The following WDR62 variants were observed in gnomAD, a reference collection of about 807,000 sequenced individuals.
WDR62 encodes WD repeat-containing protein 62.
A neutral mutation model predicts 160.6 loss-of-function variants in WDR62; 112 were observed. That is an observed-to-expected ratio of 0.70 (90% confidence interval 0.60 to 0.82). The LOEUF (loss-of-function observed/expected upper bound fraction) is 0.82. Among genes scored for constraint, WDR62 ranks in the 40% least tolerant of loss-of-function variants. WDR62 has a pLI of 0.00. For missense variants in WDR62, 1,819 were observed against 1,983.8 expected, an observed-to-expected ratio of 0.92 and a Z score of 1.58; for synonymous variants, 792 against 815.1, an observed-to-expected ratio of 0.97 and a Z score of 0.48.
At chr19:36,098,561 C>G (rs1973117734) in intron 21 of WDR62, among the ~76,000 whole-genome samples, 1 of 132,300 alleles carries the variant, frequency 7.6e-6, no homozygotes, top group African/African-American at 3.0e-5. Context: ...GAGACTCCCT[C>G]TCAAAAAAAA....
intron 3 of WDR62, among the ~76,000 whole-genome samples, chr19:36,065,743 C>T (rs535719877): frequency 3.3e-5 from 5 of 152,312 alleles, no homozygotes; most frequent in Admixed American, 1.3e-4. Context: ...TGTCTCAGGG[C>T]GGAAGGGGCC....
At chr19:36,065,105 G>A (rs1488405498) in intron 3 of WDR62, among the ~76,000 whole-genome samples, 3 of 152,204 alleles carry the variant, frequency 2.0e-5, no homozygotes, top group African/African-American at 7.2e-5. Flanking sequence ...TACCTGCATA[G>A]TTGCAAGCAT....
rs561445036 is a variant in WDR62, at chr19:36,104,970, T to C, written c.4514T>C (p.Leu1505Pro). Residue 1505 changes from leucine to proline, a missense_variant, in exon 32 of 32, where the codon CTG becomes CCG. Physicochemically the swap from Leu to Pro is moderately conservative, Grantham distance 98. This residue lies in a region of WDR62 where 770 missense variants were observed against 734.2 expected (regional missense o/e 1.05). Coordinates refer to ENST00000401500, the MANE Select transcript of WDR62 (RefSeq NM_001083961.2). ...GCCAGCCCAGACCTGCAGGCCCTGC[T>C]GGAACACTACTCGGAGCTGCTGGTG... ...PLASPDLQAL[L>P]EHYSELLVQA... The C allele has an allele frequency of 1.2e-6, 2 of 1,605,694 alleles. No individual in the cohort carries two copies. The highest frequency in any genetic ancestry group is 2.2e-5 in the South Asian group (2 of 90,304).
intron 9 of WDR62, 78 bp downstream of exon 9, chr19:36,073,609 TC>T: frequency 8.3e-7 from 1 of 1,201,688 alleles, no homozygotes; most frequent in Admixed American, 2.0e-5. Flanking sequence ...ATTCAGTAAT[TC>T]CTTCAGAAGA....
chr19:36,082,837 A>G (rs910702579), intron 10 of WDR62, among the ~76,000 whole-genome samples: 1 of 152,216 alleles, frequency 6.6e-6, no homozygotes, highest in Non-Finnish European at 1.5e-5. Context: ...TGGAGAAAAG[A>G]CAGCAGAAGA....
At chr19:36,096,932 G>C (rs1973002393) in intron 20 of WDR62, 95 bp from the exon 21 acceptor site, 2 of 1,130,892 alleles carry the variant, frequency 1.8e-6, no homozygotes, top group South Asian at 1.3e-5. Flanking sequence ...TGACTTCTGG[G>C]TTGTGGTGTT....
the WDR62 span, chr19:36,111,089 G>A: frequency 2.0e-6 from 2 of 996,262 alleles, no homozygotes; most frequent in Non-Finnish European, 2.9e-6. Context: ...TGCATGAAGA[G>A]AATGAGGTTC....
intron 20 of WDR62, among the ~76,000 whole-genome samples, chr19:36,094,731 A>C (rs910650666): frequency 2.0e-5 from 3 of 152,006 alleles, no homozygotes; most frequent in Admixed American, 2.0e-4. Flanking sequence ...CTATGCAAAA[A>C]AAAAATTTTT....
At position 36,085,414 on chromosome 19, in the gene WDR62, C is replaced by CTTTTTT. The variant is rs35753706; in HGVS notation, c.1642+688_1642+693dup. 1.2e-3 allele frequency among the ~76,000 whole-genome samples: 81 copies of CTTTTTT among 70,374 alleles called. 11 individuals are homozygous for CTTTTTT. The East Asian group carries it at 0.028, about 24-fold the overall frequency. The allele number at this position is 70,374 out of a possible 152,430, so 46.2% of individuals were successfully genotyped here. On this transcript the variant is annotated intron_variant, in intron 12 of 31. Transcript: ENST00000401500. ...TAGGGCATGAGCCACCACACCTGAC[C>CTTTTTT]TTTTTTTTTTTTTTTTTTTTTTTGA... is the stretch of plus-strand genomic sequence containing the variant.
chr19:36,090,624 G>A (rs1168858300), intron 16 of WDR62, 104 bp downstream of exon 16: 10 of 1,054,848 alleles, frequency 9.5e-6, no homozygotes, highest in East Asian at 2.4e-5. Flanking sequence ...AGTGCACCGC[G>A]CTGCCCAGCA....
At chr19:36,111,126 C>T in the WDR62 span, 6 of 1,281,576 alleles carry the variant, frequency 4.7e-6, no homozygotes, top group Non-Finnish European at 6.3e-6. Context: ...CCTTTCCCAC[C>T]AGGGATAGTC....
In WDR62 at chr19:36,091,673, G is replaced by A. The variant is rs111660404; in HGVS notation, c.2210+208G>A. 2.1e-3 allele frequency among the ~76,000 whole-genome samples: 313 copies of A among 152,228 alleles called. 1 individual carries two copies. The highest frequency in any genetic ancestry group is 7.3e-3 in the African/African-American group (303 of 41,534). On this transcript the variant is annotated intron_variant, in intron 18 of 31. Transcript: ENST00000401500. ...GCACTTTGGGACGCTGAGGCGGGTG[G>A]ATCACTTGAGCTCAGGAGTTCGAGA...
intron 1 of WDR62, among the ~76,000 whole-genome samples, chr19:36,058,058 A>G (rs1599741939): frequency 1.3e-5 from 2 of 152,146 alleles, no homozygotes; most frequent in Admixed American, 1.3e-4. Flanking sequence ...TATACATATA[A>G]AAGTACTAAG....
At position 36,101,264 on chromosome 19, in the gene WDR62, ACTC is replaced by A. The variant is rs1347562493; in HGVS notation, c.2921_2923del (p.Ser974del). On this transcript the variant is annotated inframe_deletion, in exon 24 of 32. Coordinates refer to ENST00000401500, the MANE Select transcript of WDR62 (RefSeq NM_001083961.2). The stretch of plus-strand genomic sequence containing the variant: ...GCCGGGCCTGGAGACCAGCAGGGCG[ACTC>A]CTACCTCAGGGTGTCCTCCGACAGC... The A allele has an allele frequency of 6.2e-7, 1 of 1,612,396 alleles. No individual in the cohort carries two copies. Among genetic ancestry groups the A allele is most frequent in the East Asian group, 2.2e-5 (1 of 44,822 alleles).
rs1281365427 is a variant in WDR62 at position 36,089,220 on chromosome 19, C to T, written c.1872C>T (p.His624=). Residue 624 remains histidine, a synonymous_variant, in exon 15 of 32, where the codon CAC becomes CAT. Coordinates refer to ENST00000401500, the MANE Select transcript of WDR62 (RefSeq NM_001083961.2). The part of the protein sequence containing the change: ...SDGLHFVRTH[H]VAEKTTLYDM... ...GACTACACTTTGTCCGTACCCACCACGTAGCAGAGAAAACCACCTTGTATG... is the reference window on the plus strand; with the variant it reads ...GACTACACTTTGTCCGTACCCACCATGTAGCAGAGAAAACCACCTTGTATG... 5.0e-6 allele frequency: 8 copies of T among 1,614,118 alleles called. No individual in the cohort carries two copies. The highest frequency in any genetic ancestry group is 4.5e-5 in the East Asian group (2 of 44,902).
At chr19:36,072,690 G>T (rs1971361938) in intron 8 of WDR62, among the ~76,000 whole-genome samples, 1 of 152,122 alleles carries the variant, frequency 6.6e-6, no homozygotes, top group Non-Finnish European at 1.5e-5. Context: ...TGTCATGAAG[G>T]AAAGGAGGGG....
In WDR62 at chr19:36,102,868, C is replaced by T. The variant is rs1177046458; in HGVS notation, c.3335+17C>T. ...GGCATCCAGGTAGAAGCTGGCCAAG[C>T]ACTGCCCACCCTCTGGCTCCTCAAC... On this transcript the variant is annotated intron_variant, in intron 27 of 31. Transcript: ENST00000401500. 1.2e-6 allele frequency: 2 copies of T among 1,614,136 alleles called. No homozygotes were observed. Among genetic ancestry groups the T allele is most frequent in the Non-Finnish European group, 1.7e-6 (2 of 1,179,952 alleles).
Position 36,055,163 on chromosome 19 carries a change from G to T in WDR62, c.177+15G>T, listed in dbSNP as rs773855008. 3 of 1,602,872 alleles carry T rather than the reference G, an allele frequency of 1.9e-6. No individual in the cohort carries two copies. Among genetic ancestry groups the T allele is most frequent in the Non-Finnish European group, 1.7e-6 (2 of 1,175,750 alleles). On this transcript the variant is annotated intron_variant, in intron 1 of 31. Transcript: ENST00000401500. ...TGCAGAACCGGGTGAGAAGCTGCTC[G>T]CCATGTCTACCCCAGTTCCAGGCTT... is the stretch of plus-strand genomic sequence containing the variant.
intron 22 of WDR62, 130 bp downstream of exon 22, chr19:36,099,747 G>A: frequency 1.1e-6 from 1 of 927,202 alleles, no homozygotes; most frequent in Non-Finnish European, 1.7e-6. Flanking sequence ...GCAGGAGGGT[G>A]AGCCCCAGGT....
Sources: gnomAD v4.1 joint callset for allele counts (sites outside exome capture counted in the v4.1 genomes callset) on GRCh38, gnomAD v4.1.1 for gene constraint, gnomAD v4.1.1 regional missense constraint, MANE v1.5 for transcripts, NCBI Gene and HGNC (gene_info 2026-07-23, HGNC 2026-07-21) for gene names.